The following SOX5 variants were observed in gnomAD, a reference collection of about 807,000 sequenced individuals.
SOX5 encodes transcription factor SOX-5.
In SOX5, 9 loss-of-function variants were observed where a neutral mutation model predicts 92.0. The observed-to-expected ratio is 0.10, with a 90% CI of 0.06 to 0.17. The LOEUF (loss-of-function observed/expected upper bound fraction) is 0.17. SOX5 is among the 10% of genes least tolerant of loss of function. SOX5 has a pLI of 1.00. For missense variants in SOX5, 642 were observed against 944.5 expected, an observed-to-expected ratio of 0.68 and a Z score of 4.20; for synonymous variants, 344 against 336.3, an observed-to-expected ratio of 1.02 and a Z score of -0.25.
rs76988447 is a variant in SOX5 at position 24,265,907 on chromosome 12, C to T, written c.-77+11309G>A. ...CCACCACAATTTATCTAACCAGAGT[C>T]TTATATTTCTTGACACAAGGTTGCA... is the stretch of plus-strand genomic sequence containing the variant. On this transcript the variant is annotated intron_variant, in intron 3 of 4. Transcript: ENST00000446891. Among the ~76,000 whole-genome samples, 100 of 152,182 alleles carry T rather than the reference C, an allele frequency of 6.6e-4. 1 individual carries two copies. In the East Asian group the frequency reaches 0.018, roughly 27 times the overall value.
intron 1 of SOX5, among the ~76,000 whole-genome samples, chr12:23,919,650 G>A (rs1228735466): frequency 6.6e-6 from 1 of 152,102 alleles, no homozygotes; most frequent in African/African-American, 2.4e-5. Context: ...AGGAAGCCAA[G>A]GAATGGAGGT....
At chr12:23,693,903 C>T (rs1202842272) in intron 6 of SOX5, among the ~76,000 whole-genome samples, 1 of 152,004 alleles carries the variant, frequency 6.6e-6, no homozygotes, top group Non-Finnish European at 1.5e-5. Context: ...CTCTACTTTC[C>T]CTTTCCTTCT....
intron 4 of SOX5, among the ~76,000 whole-genome samples, chr12:24,004,921 T>A (rs1240058004): frequency 2.0e-5 from 3 of 152,062 alleles, no homozygotes; most frequent in Non-Finnish European, 4.4e-5. Context: ...AATAAAATAT[T>A]ATTCAGCAAT....
chr12:23,946,294 A>G (rs1944580546), intron 1 of SOX5, among the ~76,000 whole-genome samples: 1 of 152,064 alleles, frequency 6.6e-6, no homozygotes. Flanking sequence ...CTTTCTAGAC[A>G]TTATCAGAAC....
intron 4 of SOX5, among the ~76,000 whole-genome samples, chr12:24,035,911 G>A (rs1026694228): frequency 6.6e-6 from 1 of 151,916 alleles, no homozygotes; most frequent in South Asian, 2.1e-4. Context: ...ATCCTTCCGA[G>A]TTGATCTCTG....
intron 3 of SOX5, among the ~76,000 whole-genome samples, chr12:23,772,702 T>G (rs562149425): frequency 6.6e-6 from 1 of 152,322 alleles, no homozygotes; most frequent in African/African-American, 2.4e-5. Flanking sequence ...ACATCTGGTT[T>G]ACTCATCCAT....
At chr12:23,918,338 C>T (rs1316743930) in intron 1 of SOX5, among the ~76,000 whole-genome samples, 1 of 152,140 alleles carries the variant, frequency 6.6e-6, no homozygotes, top group Non-Finnish European at 1.5e-5. Flanking sequence ...CAACGGCATA[C>T]AATTTTAGCA....
At chr12:23,705,535 G>A (rs920017843) in intron 6 of SOX5, among the ~76,000 whole-genome samples, 45 of 151,912 alleles carry the variant, frequency 3.0e-4, no homozygotes, top group Non-Finnish European at 6.2e-4. Flanking sequence ...CAACCTGACT[G>A]TAATTAATCT....
chr12:24,237,807 A>G (rs1021352452), intron 3 of SOX5: 1 of 152,188 alleles, frequency 6.6e-6, no homozygotes, highest in Non-Finnish European at 1.5e-5. Context: ...GATATTTCCA[A>G]TGAATTCTCC....
intron 4 of SOX5, among the ~76,000 whole-genome samples, chr12:24,091,790 T>C (rs7978583): frequency 0.44 from 66,358 of 151,816 alleles, 14,926 homozygotes; most frequent in East Asian, 0.64. Context: ...TAGGTGGATG[T>C]TTTTGGGGTC....
intron 8 of SOX5, among the ~76,000 whole-genome samples, chr12:23,634,934 CTTTA>C (rs1393188526): frequency 6.6e-6 from 1 of 152,114 alleles, no homozygotes; most frequent in Non-Finnish European, 1.5e-5. Context: ...ATTCCTCATT[CTTTA>C]TTTAACACAT....
intron 4 of SOX5, among the ~76,000 whole-genome samples, chr12:24,116,206 G>A (rs940488073): frequency 6.6e-6 from 1 of 152,104 alleles, no homozygotes; most frequent in Non-Finnish European, 1.5e-5. Flanking sequence ...TAACAATAGA[G>A]ATTGTTAACA....
At chr12:24,129,733 C>G (rs1468061589) in intron 4 of SOX5, among the ~76,000 whole-genome samples, 1 of 152,160 alleles carries the variant, frequency 6.6e-6, no homozygotes, top group African/African-American at 2.4e-5. Context: ...ACTAGTTTAT[C>G]TCACTACAAC....
chr12:24,415,426 T>A (rs908832103), intron 1 of SOX5, among the ~76,000 whole-genome samples: 31 of 152,232 alleles, frequency 2.0e-4, no homozygotes, highest in Non-Finnish European at 3.7e-4. Context: ...TTTAATGTTT[T>A]TTTTATACAC....
intron 4 of SOX5, among the ~76,000 whole-genome samples, chr12:24,054,165 C>T (rs1592716377): frequency 6.6e-6 from 1 of 152,196 alleles, no homozygotes; most frequent in African/African-American, 2.4e-5. Context: ...TATCAAACTT[C>T]TTTAAAGCTG....
intron 3 of SOX5, among the ~76,000 whole-genome samples, chr12:23,783,269 G>A (rs2095317292): frequency 6.6e-6 from 1 of 152,054 alleles, no homozygotes. Context: ...CCTTATAAAT[G>A]TAATTTAATG....
chr12:23,840,460 T>C (rs577518736), intron 3 of SOX5, among the ~76,000 whole-genome samples: 1 of 152,254 alleles, frequency 6.6e-6, no homozygotes, highest in South Asian at 2.1e-4. Flanking sequence ...AGTAAGTTAT[T>C]TTGTGGATAT....
intron 2 of SOX5, among the ~76,000 whole-genome samples, chr12:23,851,719 C>T (rs1001555752): frequency 3.3e-5 from 5 of 151,818 alleles, no homozygotes; most frequent in African/African-American, 1.2e-4. Context: ...TTCAGTAGTT[C>T]ACCGAGAGAG....
At chr12:23,600,821 A>G (rs1246094395) in intron 9 of SOX5, among the ~76,000 whole-genome samples, 1 of 151,878 alleles carries the variant, frequency 6.6e-6, no homozygotes, top group African/African-American at 2.4e-5. Context: ...ATCATTTAAT[A>G]TTATAAATAA....
Sources: gnomAD v4.1 joint callset for allele counts (sites outside exome capture counted in the v4.1 genomes callset) on GRCh38, gnomAD v4.1.1 for gene constraint, MANE v1.5 for transcripts, NCBI Gene and HGNC (gene_info 2026-07-23, HGNC 2026-07-21) for gene names.